The following CPA6 variants were observed in gnomAD, a reference collection of about 807,000 sequenced individuals.
CPA6 encodes carboxypeptidase B.
Under a neutral mutation model 63.3 loss-of-function variants are expected in CPA6, and 58 were observed. That is an observed-to-expected ratio of 0.92 (90% CI 0.74 to 1.14). The LOEUF is 1.14. Among genes scored for constraint, CPA6 ranks in the 50% most tolerant of loss-of-function variants. The probability of loss-of-function intolerance (pLI) is 0.00; values close to 1 mark genes in which losing one functional copy is unlikely to be tolerated. For missense variants in CPA6, 565 were observed against 526.6 expected (o/e 1.07, Z -0.71); for synonymous variants, 185 against 179.0 (o/e 1.03, Z -0.27).
At chr8:67,514,644 CAT>C (rs1812106604) in intron 3 of CPA6, among the ~76,000 whole-genome samples, 1 of 152,192 alleles carries the variant, frequency 6.6e-6, no homozygotes, top group Non-Finnish European at 1.5e-5. Context: ...TTCTCTGTGA[CAT>C]AAAGTGTGAT....
At chr8:67,691,136 G>C (rs137912052) in intron 1 of CPA6, among the ~76,000 whole-genome samples, 153 of 152,248 alleles carry the variant, frequency 1.0e-3, no homozygotes, top group Non-Finnish European at 1.2e-3. Context: ...CAAAGAAAAC[G>C]AGGAAATTCA....
intron 6 of CPA6, among the ~76,000 whole-genome samples, chr8:67,491,254 T>A: frequency 6.9e-6 from 1 of 144,924 alleles, no homozygotes. Flanking sequence ...AAAGGGGAGC[T>A]TAATCTATAA....
At chr8:67,525,593 T>G (rs1412371192) in intron 2 of CPA6, among the ~76,000 whole-genome samples, 1 of 152,192 alleles carries the variant, frequency 6.6e-6, no homozygotes, top group Non-Finnish European at 1.5e-5. Flanking sequence ...TGAATGCTGA[T>G]TGCCATAATG....
intron 1 of CPA6, among the ~76,000 whole-genome samples, chr8:67,685,920 C>T (rs1206392679): frequency 6.6e-6 from 1 of 152,162 alleles, no homozygotes; most frequent in East Asian, 1.9e-4. Context: ...CTGGAGAGGG[C>T]TTCCCCAACC....
chr8:67,620,773 C>T (rs1815062315), intron 2 of CPA6, among the ~76,000 whole-genome samples: 1 of 152,080 alleles, frequency 6.6e-6, no homozygotes, highest in Non-Finnish European at 1.5e-5. Context: ...AACTTCAATC[C>T]AATAAAACTA....
intron 2 of CPA6, among the ~76,000 whole-genome samples, chr8:67,559,076 G>C (rs1813137516): frequency 6.6e-6 from 1 of 152,156 alleles, no homozygotes; most frequent in African/African-American, 2.4e-5. Context: ...GACTATTACA[G>C]TGTCAGGGCA....
chr8:67,607,662 C>G (rs1349988220), intron 2 of CPA6, among the ~76,000 whole-genome samples: 3 of 152,152 alleles, frequency 2.0e-5, no homozygotes, highest in Non-Finnish European at 2.9e-5. Context: ...TTCCTTAGAG[C>G]TATAGGGTCA....
intron 6 of CPA6, among the ~76,000 whole-genome samples, chr8:67,488,207 T>C (rs902724197): frequency 2.6e-5 from 4 of 152,234 alleles, no homozygotes; most frequent in Non-Finnish European, 5.9e-5. Flanking sequence ...AAGTCTTTAA[T>C]CCATCTTGAA....
At chr8:67,589,668 T>C (rs964013737) in intron 2 of CPA6, among the ~76,000 whole-genome samples, 18 of 152,114 alleles carry the variant, frequency 1.2e-4, no homozygotes, top group African/African-American at 4.1e-4. Context: ...CTATAAATAA[T>C]CACATCAAAT....
At chr8:67,517,092 G>A (rs966782247) in intron 3 of CPA6, among the ~76,000 whole-genome samples, 2 of 151,418 alleles carry the variant, frequency 1.3e-5, no homozygotes, top group African/African-American at 4.9e-5. Context: ...CACCGCACCC[G>A]GCCCCACCTG....
rs112875997 is a variant in CPA6 at position 67,422,621 on chromosome 8, T to C, written c.1197A>G (p.Leu399=). The change falls in exon 11 of 11, where the codon CTA becomes CTG. Residue 399 remains leucine (L), a synonymous_variant. Coordinates refer to ENST00000297770, the MANE Select transcript of CPA6 (RefSeq NM_020361.5). ...AAAATCCAAAATATCCAGTGTCACG[T>C]AGTTCGAAAGCAAATGCATAAGGTA... ...NGIPYAFAFE[L]RDTGYFGFLL... 2.5e-5 allele frequency: 41 copies of C among 1,614,096 alleles called. No homozygotes were observed. The African/African-American group carries it at 3.1e-4, about 12-fold the overall frequency.
chr8:67,438,263 C>T (rs990633536), intron 8 of CPA6, among the ~76,000 whole-genome samples: 1 of 152,144 alleles, frequency 6.6e-6, no homozygotes, highest in African/African-American at 2.4e-5. Flanking sequence ...ACTTATTGTG[C>T]ACCAAACAAA....
At chr8:67,422,960 A>G (rs147385189) in intron 10 of CPA6, among the ~76,000 whole-genome samples, 11 of 152,288 alleles carry the variant, frequency 7.2e-5, no homozygotes, top group African/African-American at 2.4e-4. Flanking sequence ...CAATTCCAAA[A>G]ACGTTTATGT....
chr8:67,574,134 T>C (rs777039279), intron 2 of CPA6, among the ~76,000 whole-genome samples: 2 of 151,814 alleles, frequency 1.3e-5, no homozygotes, highest in African/African-American at 2.4e-5. Context: ...TCTCAGCATT[T>C]TGGGAGGCCA....
At chr8:67,431,545 A>C (rs1022683896) in intron 9 of CPA6, among the ~76,000 whole-genome samples, 1 of 152,134 alleles carries the variant, frequency 6.6e-6, no homozygotes, top group Non-Finnish European at 1.5e-5. Context: ...AATAATTTTT[A>C]TATATTATAT....
chr8:67,453,600 A>G (rs1810604940), intron 8 of CPA6, among the ~76,000 whole-genome samples: 1 of 152,186 alleles, frequency 6.6e-6, no homozygotes, highest in Non-Finnish European at 1.5e-5. Flanking sequence ...GAATGTAGAT[A>G]GAGAAGAGAA....
At chr8:67,634,813 A>G (rs1357478371) in intron 1 of CPA6, among the ~76,000 whole-genome samples, 2 of 151,594 alleles carry the variant, frequency 1.3e-5, no homozygotes, top group African/African-American at 4.9e-5. Context: ...TCCCTGTGAG[A>G]TATCGTCTGG....
chr8:67,461,149 G>A (rs1810793295), intron 8 of CPA6, among the ~76,000 whole-genome samples: 2 of 146,752 alleles, frequency 1.4e-5, no homozygotes, highest in Non-Finnish European at 3.0e-5. Context: ...GTGGAGGGAA[G>A]GTCGGCAGAT....
intron 2 of CPA6, among the ~76,000 whole-genome samples, chr8:67,522,928 G>C (rs1186754948): frequency 6.6e-6 from 1 of 152,266 alleles, no homozygotes; most frequent in Non-Finnish European, 1.5e-5. Flanking sequence ...AGAGGTCACA[G>C]TGGCTGCAGA....
Sources: gnomAD v4.1 joint callset for allele counts (sites outside exome capture counted in the v4.1 genomes callset) on GRCh38, gnomAD v4.1.1 for gene constraint, MANE v1.5 for transcripts, NCBI Gene and HGNC (gene_info 2026-07-23, HGNC 2026-07-21) for gene names.